The following MARK3 variants were observed in gnomAD, a reference collection of about 807,000 sequenced individuals.
MARK3 encodes MAP/microtubule affinity-regulating kinase 3.
A neutral mutation model predicts 90.1 loss-of-function variants in MARK3; 46 were observed. The observed-to-expected ratio is 0.51, with a 90% CI of 0.40 to 0.65. The LOEUF is 0.65. Among genes scored for constraint, MARK3 ranks in the 30% least tolerant of loss-of-function variants. MARK3 has a pLI of 0.00. For missense variants in MARK3, 818 were observed against 947.2 expected (o/e 0.86, Z 1.79); for synonymous variants, 321 against 332.6 (o/e 0.97, Z 0.38).
chr14:103,405,164 C>G lies in MARK3; in HGVS notation c.140C>G (p.Ala47Gly). 2.5e-6 allele frequency: 4 copies of G among 1,603,808 alleles called. No homozygotes were observed. Among genetic ancestry groups the G allele is most frequent in the Non-Finnish European group, 3.4e-6 (4 of 1,177,280 alleles). ...ARCRNSIASCADEQPHIGNYR... is the reference protein window; with the variant it reads ...ARCRNSIASCGDEQPHIGNYR... ...TGTAGAAACTCTATAGCCTCCTGTG[C>G]AGATGAACAACCTCACATCGGAAAC... Residue 47 changes from alanine (A) to glycine (G), a missense_variant, in exon 2 of 18, where the codon GCA becomes GGA. Ala to Gly is a moderately conservative substitution (Grantham distance 60). This residue lies in a region of MARK3 where 157 missense variants were observed against 158.7 expected (regional missense o/e 0.99). Coordinates refer to ENST00000429436, the MANE Select transcript of MARK3 (RefSeq NM_001128918.3).
intron 4 of MARK3, among the ~76,000 whole-genome samples, chr14:103,450,162 T>A (rs557910303): frequency 8.4e-4 from 127 of 152,030 alleles, no homozygotes; most frequent in African/African-American, 3.0e-3. Context: ...GAAAAAAAAA[T>A]TTAGAATCAA....
At position 103,385,713 on chromosome 14, in the gene MARK3, A is replaced by C; in HGVS notation, c.-317A>C. 3.5e-6 allele frequency: 1 copy of C among 288,774 alleles called. No individual in the cohort carries two copies. Among genetic ancestry groups the C allele is most frequent in the Non-Finnish European group, 6.4e-6 (1 of 156,990 alleles). The allele number at this position is 288,774 out of a possible 1,614,324, so 17.9% of individuals were successfully genotyped here. On this transcript the variant is annotated 5_prime_UTR_variant, in exon 1 of 18. Coordinates refer to ENST00000429436, the MANE Select transcript of MARK3 (RefSeq NM_001128918.3). ...GGAGAAGGAGGTGAGGGGGCCCAGG[A>C]TCGCGGGGCGCCCTGAGGCAAGGGG...
chr14:103,405,298 G>A, intron 2 of MARK3, 31 bp downstream of exon 2: 11 of 1,435,700 alleles, frequency 7.7e-6, no homozygotes, highest in Non-Finnish European at 1.0e-5. Context: ...TTTCTGTTAT[G>A]ACAGTTGCTC....
rs571611660 is a variant in MARK3, at chr14:103,460,073, C to CTTTTTTTTTTTTTTTTTT, written c.484-2318_484-2301dup. 1.9e-3 allele frequency among the ~76,000 whole-genome samples: 79 copies of CTTTTTTTTTTTTTTTTTT among 41,722 alleles called. 14 individuals carry two copies. Among genetic ancestry groups the CTTTTTTTTTTTTTTTTTT allele is most frequent in the Middle Eastern group, 0.024 (1 of 42 alleles). 27.4% of individuals were successfully genotyped at this position (41,722 alleles called of 152,430 possible). A position where few individuals can be genotyped will look rare whatever the true frequency, so the allele number is the denominator to read the frequency against. Reference sequence around the variant, plus strand: ...AAAAAGAATAGATTTCCAGCTCCATCTTTTTTTTTTTTTTTTTTTTTTTTT... The same window carrying CTTTTTTTTTTTTTTTTTT: ...AAAAAGAATAGATTTCCAGCTCCATCTTTTTTTTTTTTTTTTTTTTTTTTTTTTTTTTTTTTTTTTTTT... On this transcript the variant is annotated intron_variant, in intron 6 of 17. Transcript: ENST00000429436.
chr14:103,438,325 A>G (rs1330650566), intron 3 of MARK3, among the ~76,000 whole-genome samples: 2 of 152,126 alleles, frequency 1.3e-5, no homozygotes, highest in South Asian at 2.1e-4. Context: ...TTCAAAATCT[A>G]TCTTATAGGT....
chr14:103,387,780 A>G (rs1338123038), intron 1 of MARK3, among the ~76,000 whole-genome samples: 1 of 152,204 alleles, frequency 6.6e-6, no homozygotes, highest in Non-Finnish European at 1.5e-5. Context: ...GGCATGAGCC[A>G]GTGTGCCCAA....
chr14:103,393,144 C>G (rs2090368029), intron 1 of MARK3, among the ~76,000 whole-genome samples: 1 of 152,168 alleles, frequency 6.6e-6, no homozygotes, highest in Admixed American at 6.5e-5. Context: ...CCATGCCCAG[C>G]TGATTTTTTT....
intron 14 of MARK3, chr14:103,491,042 A>G: frequency 7.8e-7 from 1 of 1,288,676 alleles, no homozygotes; most frequent in Non-Finnish European, 1.0e-6. Context: ...TGTCCATGTC[A>G]GCCTCTGGGC....
intron 14 of MARK3, among the ~76,000 whole-genome samples, chr14:103,483,924 A>C (rs1458138683): frequency 1.3e-5 from 2 of 152,228 alleles, no homozygotes; most frequent in African/African-American, 4.8e-5. Context: ...AACAAATGTT[A>C]GCTTTCATTA....
chr14:103,402,753 G>T (rs906932605), intron 1 of MARK3, among the ~76,000 whole-genome samples: 8 of 152,272 alleles, frequency 5.3e-5, no homozygotes, highest in African/African-American at 1.9e-4. Flanking sequence ...AGACCACAGG[G>T]TGGTCTTCAG....
At chr14:103,401,247 A>T (rs2140600575) in intron 1 of MARK3, among the ~76,000 whole-genome samples, 1 of 152,280 alleles carries the variant, frequency 6.6e-6, no homozygotes, top group East Asian at 1.9e-4. Context: ...TTTTAATTTA[A>T]GGACTTCGTC....
intron 14 of MARK3, among the ~76,000 whole-genome samples, chr14:103,484,033 A>C (rs2093875041): frequency 6.6e-6 from 1 of 152,208 alleles, no homozygotes; most frequent in East Asian, 1.9e-4. Context: ...AACCACCTAC[A>C]TAGCAGAGAC....
chr14:103,411,646 T>C (rs773108933), intron 2 of MARK3, among the ~76,000 whole-genome samples: 2 of 151,862 alleles, frequency 1.3e-5, no homozygotes, highest in Non-Finnish European at 1.5e-5. Context: ...TTTGGTGAGA[T>C]GGAGTCTCGC....
chr14:103,498,044 C>G (rs1325657181), intron 15 of MARK3, among the ~76,000 whole-genome samples: 1 of 152,114 alleles, frequency 6.6e-6, no homozygotes, highest in Non-Finnish European at 1.5e-5. Flanking sequence ...TGGCAAAACC[C>G]TATCTCTACT....
chr14:103,465,424 A>G, intron 7 of MARK3, 133 bp from the exon 8 acceptor site: 2 of 630,570 alleles, frequency 3.2e-6, no homozygotes, highest in South Asian at 2.0e-5. Flanking sequence ...TTTTCTCTAG[A>G]AAGAATGTTT....
At chr14:103,454,934 T>C (rs4900576) in intron 5 of MARK3, among the ~76,000 whole-genome samples, 147,238 of 152,296 alleles carry the variant, frequency 0.97, 71,342 homozygotes, top group East Asian at 1. Context: ...TTGCTTCTTG[T>C]TTCTTTTATC....
In MARK3 at chr14:103,449,681, A is replaced by G. The variant is rs2093084361; in HGVS notation, c.346+714A>G. Reference sequence around the variant, plus strand: ...GCGACATGGTCCTACCCTTAGAGTAACTGTAGAAACAAGAAGAGAATAAGC... The same window carrying G: ...GCGACATGGTCCTACCCTTAGAGTAGCTGTAGAAACAAGAAGAGAATAAGC... On this transcript the variant is annotated intron_variant, in intron 4 of 17. Coordinates refer to ENST00000429436, the MANE Select transcript of MARK3 (RefSeq NM_001128918.3). 2.6e-5 allele frequency among the ~76,000 whole-genome samples: 4 copies of G among 152,326 alleles called. No homozygotes were observed. In the South Asian group the frequency reaches 8.3e-4, roughly 32 times the overall value.
chr14:103,446,355 G>A (rs1018539213), intron 3 of MARK3, among the ~76,000 whole-genome samples: 2 of 151,988 alleles, frequency 1.3e-5, no homozygotes, highest in East Asian at 1.9e-4. Context: ...GCAAAACCCC[G>A]TCTCTGCTAA....
chr14:103,467,205 G>A lies in MARK3; in HGVS notation c.1110+14G>A. 2 of 1,256,372 alleles carry A rather than the reference G, an allele frequency of 1.6e-6. No homozygotes were observed. The highest frequency in any genetic ancestry group is 1.9e-4 in the Middle Eastern group (1 of 5,302). 77.8% of individuals were successfully genotyped at this position (1,256,372 alleles called of 1,614,324 possible). ...AAATCTTCAGAGGTAAGAGTAATCA[G>A]AAAGAGCTGAAATACCCTGTATGTA... On this transcript the variant is annotated intron_variant, in intron 11 of 17. Coordinates refer to ENST00000429436, the MANE Select transcript of MARK3 (RefSeq NM_001128918.3).
Sources: gnomAD v4.1 joint callset for allele counts (sites outside exome capture counted in the v4.1 genomes callset) on GRCh38, gnomAD v4.1.1 for gene constraint, gnomAD v4.1.1 regional missense constraint, MANE v1.5 for transcripts, NCBI Gene and HGNC (gene_info 2026-07-23, HGNC 2026-07-21) for gene names.